COX7B2: variants seen among roughly 807,000 people sequenced by gnomAD.
COX7B2 encodes the protein cytochrome c oxidase subunit 7B2, mitochondrial.
For missense variants in COX7B2, 109 were observed against 95.9 expected, an observed-to-expected ratio of 1.14 and a Z score of -0.57; for synonymous variants, 37 against 32.1, an observed-to-expected ratio of 1.15 and a Z score of -0.51.
chr4:46,783,740 G>A (rs1238573488), intron 2 of COX7B2, among the ~76,000 whole-genome samples: 4 of 152,108 alleles, frequency 2.6e-5, no homozygotes, highest in South Asian at 2.1e-4. Context: ...AAACAAAAAG[G>A]GAAGGGCAGG....
rs1046101532 is a variant in COX7B2, at chr4:46,909,233, G to T, written c.-178C>A. The stretch of plus-strand genomic sequence containing the variant: ...TCCGAACCTTTCCGTTTTACAGCCT[G>T]GAGGGGTCGGGTAAAACAGGTACTT... On this transcript the variant is annotated 5_prime_UTR_variant, in exon 1 of 3. Coordinates refer to ENST00000355591, the MANE Select transcript of COX7B2 (RefSeq NM_130902.3). 1.3e-5 allele frequency: 2 copies of T among 152,162 alleles called. No individual in the cohort carries two copies. Among genetic ancestry groups the T allele is most frequent in the African/African-American group, 4.8e-5 (2 of 41,432 alleles). The allele number at this position is 152,162 out of a possible 1,614,324, so 9.4% of individuals were successfully genotyped here. A position where few individuals can be genotyped will look rare whatever the true frequency, so the allele number is the denominator to read the frequency against.
intron 1 of COX7B2, among the ~76,000 whole-genome samples, chr4:46,900,665 T>C (rs1194323876): frequency 1.3e-5 from 2 of 152,178 alleles, no homozygotes; most frequent in Non-Finnish European, 1.5e-5. Context: ...TATTAAGAGG[T>C]GGGGGCCTTT....
intron 1 of COX7B2, among the ~76,000 whole-genome samples, chr4:46,871,547 C>T (rs1189310747): frequency 6.6e-6 from 1 of 151,610 alleles, no homozygotes; most frequent in African/African-American, 2.4e-5. Context: ...ACAGAGTAAA[C>T]AGCCTACAGA....
chr4:46,903,827 T>TATTAG (rs1429088957), intron 1 of COX7B2: 1 of 152,222 alleles, frequency 6.6e-6, no homozygotes, highest in Non-Finnish European at 1.5e-5. Flanking sequence ...CTATACCATC[T>TATTAG]AGGTTTGTGT....
chr4:46,754,245 T>A (rs1715603321), intron 2 of COX7B2, among the ~76,000 whole-genome samples: 1 of 151,920 alleles, frequency 6.6e-6, no homozygotes, highest in East Asian at 1.9e-4. Flanking sequence ...ATCATGCTGC[T>A]ATAAAGACAC....
At chr4:46,832,813 C>T (rs1257069896) in intron 2 of COX7B2, among the ~76,000 whole-genome samples, 5 of 152,170 alleles carry the variant, frequency 3.3e-5, no homozygotes, top group African/African-American at 4.8e-5. Flanking sequence ...AGCTCCCCTT[C>T]GCCTTCTGCC....
chr4:46,904,381 G>T (rs1337861981), intron 1 of COX7B2, among the ~76,000 whole-genome samples: 1 of 151,628 alleles, frequency 6.6e-6, no homozygotes, highest in Non-Finnish European at 1.5e-5. Flanking sequence ...CCTAAAAATG[G>T]TCAAAAAAAA....
At chr4:46,786,721 C>T (rs532919559) in intron 2 of COX7B2, among the ~76,000 whole-genome samples, 1 of 152,254 alleles carries the variant, frequency 6.6e-6, no homozygotes, top group East Asian at 1.9e-4. Context: ...AGCCTAAAAT[C>T]ACTGACGAGA....
At chr4:46,887,521 C>T (rs1273033275) in intron 1 of COX7B2, among the ~76,000 whole-genome samples, 1 of 151,922 alleles carries the variant, frequency 6.6e-6, no homozygotes, top group Non-Finnish European at 1.5e-5. Flanking sequence ...ACCATCCTGG[C>T]TAACACGGTG....
chr4:46,759,959 T>C (rs995630159), intron 2 of COX7B2, among the ~76,000 whole-genome samples: 26 of 151,674 alleles, frequency 1.7e-4, no homozygotes, highest in Non-Finnish European at 8.8e-5. Flanking sequence ...CTTATATAAG[T>C]TATATACGCC....
intron 2 of COX7B2, among the ~76,000 whole-genome samples, chr4:46,779,093 T>A (rs528043662): frequency 2.6e-5 from 4 of 152,208 alleles, no homozygotes; most frequent in African/African-American, 9.6e-5. Flanking sequence ...CCAACAAGTG[T>A]TTAATGAATA....
At chr4:46,758,911 T>C (rs1008621334) in intron 2 of COX7B2, among the ~76,000 whole-genome samples, 1 of 152,126 alleles carries the variant, frequency 6.6e-6, no homozygotes, top group Non-Finnish European at 1.5e-5. Flanking sequence ...ATAACCCACT[T>C]TGCAGAAAAC....
intron 2 of COX7B2, among the ~76,000 whole-genome samples, chr4:46,837,671 A>G (rs530178331): frequency 3.3e-5 from 5 of 152,242 alleles, no homozygotes; most frequent in African/African-American, 1.2e-4. Flanking sequence ...TAAAAATTTT[A>G]CATTATATAT....
chr4:46,821,811 A>G (rs185353879), intron 2 of COX7B2, among the ~76,000 whole-genome samples: 59 of 152,370 alleles, frequency 3.9e-4, no homozygotes, highest in African/African-American at 1.4e-3. Context: ...AGCCTAGGAA[A>G]CTAAAATCAT....
At position 46,765,336 on chromosome 4, in the gene COX7B2, G is replaced by A. The variant is rs886271154; in HGVS notation, c.-49-30095C>T. Among the ~76,000 whole-genome samples the A allele has an allele frequency of 1.1e-4, 16 of 152,154 alleles. No homozygotes were observed. In the East Asian group the frequency reaches 3.1e-3, roughly 29 times the overall value. On this transcript the variant is annotated intron_variant, in intron 2 of 2. Coordinates refer to ENST00000355591, the MANE Select transcript of COX7B2 (RefSeq NM_130902.3). The stretch of plus-strand genomic sequence containing the variant: ...TAGCCATTGCAGGCGTAAGGAGAGT[G>A]AAGTGAGTACTCAGTTTTGCCATGG...
chr4:46,851,148 ACT>A (rs1716652597), intron 1 of COX7B2, among the ~76,000 whole-genome samples: 1 of 152,048 alleles, frequency 6.6e-6, no homozygotes, highest in African/African-American at 2.4e-5. Flanking sequence ...TCCCGAGAGG[ACT>A]GGTTTTGCAG....
chr4:46,784,415 A>G (rs1326467407), intron 2 of COX7B2, among the ~76,000 whole-genome samples: 1 of 152,182 alleles, frequency 6.6e-6, no homozygotes, highest in Non-Finnish European at 1.5e-5. Flanking sequence ...TCATGAGGTC[A>G]GGAGTTCGAG....
At chr4:46,805,811 A>G (rs1218320541) in intron 2 of COX7B2, among the ~76,000 whole-genome samples, 1 of 152,176 alleles carries the variant, frequency 6.6e-6, no homozygotes, top group Non-Finnish European at 1.5e-5. Context: ...AATATATATA[A>G]AACAAAATAA....
At chr4:46,758,861 T>G (rs898870396) in intron 2 of COX7B2, among the ~76,000 whole-genome samples, 1 of 152,122 alleles carries the variant, frequency 6.6e-6, no homozygotes, top group Non-Finnish European at 1.5e-5. Flanking sequence ...AAAACTGTGA[T>G]AGCAAACAGC....
Sources: allele counts gnomAD v4.1 joint callset (sites outside exome capture counted in the v4.1 genomes callset), GRCh38; gene constraint gnomAD v4.1.1; transcripts MANE v1.5; gene names NCBI Gene and HGNC (gene_info 2026-07-23, HGNC 2026-07-21).